PRMT2: variants seen among roughly 807,000 people sequenced by gnomAD.
PRMT2 encodes the protein protein arginine N-methyltransferase 2.
A neutral mutation model predicts 57.6 loss-of-function variants in PRMT2; 26 were observed. The observed-to-expected ratio is 0.45, with a 90% CI of 0.33 to 0.63. The LOEUF (loss-of-function observed/expected upper bound fraction) is 0.63. Among genes scored for constraint, PRMT2 ranks in the 20% least tolerant of loss-of-function variants. The probability of loss-of-function intolerance (pLI) is 0.02; values close to 1 mark genes in which losing one functional copy is unlikely to be tolerated. For synonymous variants in PRMT2, 219 were observed against 220.0 expected, an observed-to-expected ratio of 1.00 and a Z score of 0.04; for missense variants, 472 against 564.4, an observed-to-expected ratio of 0.84 and a Z score of 1.66.
intron 7 of PRMT2, chr21:46,653,289 T>A: frequency 1.0e-6 from 1 of 985,440 alleles, no homozygotes; most frequent in East Asian, 1.1e-4. Context: ...AAAGTCTTTA[T>A]AAGTCAGCTC....
In PRMT2 at chr21:46,664,616, G is replaced by T; in HGVS notation, c.*289G>T. On this transcript the variant is annotated 3_prime_UTR_variant, in exon 12 of 12. Coordinates refer to ENST00000355680, the MANE Select transcript of PRMT2 (RefSeq NM_206962.4). ...TGCCCACAGTGCCGACCCGTGGCTG[G>T]GTCGGAGCTCCATGTTCCTAAGCTA... The T allele has an allele frequency of 1.9e-6, 1 of 516,868 alleles. No homozygotes were observed. Among genetic ancestry groups the T allele is most frequent in the South Asian group, 2.3e-5 (1 of 44,418 alleles). 32.0% of individuals were successfully genotyped at this position (516,868 alleles called of 1,614,324 possible).
intron 10 of PRMT2, 22 bp downstream of exon 10, chr21:46,661,958 ACGGGGTGCGGG>A (rs2061632075): frequency 2.6e-6 from 2 of 776,668 alleles, no homozygotes; most frequent in East Asian, 6.7e-5. Flanking sequence ...GGGCGCGGGC[ACGGGGTGCGGG>A]GTGGGGGGCA....
chr21:46,642,210 T>G, intron 3 of PRMT2, among the ~76,000 whole-genome samples: 1 of 152,184 alleles, frequency 6.6e-6, no homozygotes, highest in Non-Finnish European at 1.5e-5. Flanking sequence ...CCTAAGAAGA[T>G]TAAGGTACAT....
chr21:46,653,729 C>T, intron 7 of PRMT2: 1 of 1,222,622 alleles, frequency 8.2e-7, no homozygotes, highest in Non-Finnish European at 1.0e-6. Context: ...ACACACAAAA[C>T]CATCAACTCT....
chr21:46,661,098 T>C (rs1400557204), intron 9 of PRMT2, 136 bp downstream of exon 9: 4 of 881,910 alleles, frequency 4.5e-6, no homozygotes, highest in African/African-American at 1.8e-5. Context: ...ATTATGCAAA[T>C]AAGTGAATTT....
chr21:46,662,421 C>T (rs986705091), intron 10 of PRMT2, among the ~76,000 whole-genome samples: 3 of 152,234 alleles, frequency 2.0e-5, no homozygotes, highest in South Asian at 2.1e-4. Flanking sequence ...GCTCTGGCAC[C>T]TGCCCCGCTG....
chr21:46,663,198 G>T (rs1288713846), intron 10 of PRMT2, among the ~76,000 whole-genome samples, 185 bp from the exon 11 acceptor site: 1 of 152,236 alleles, frequency 6.6e-6, no homozygotes, highest in Non-Finnish European at 1.5e-5. Context: ...AGGGCTGGGG[G>T]TGTATATGTT....
chr21:46,660,592 G>C (rs141682263), intron 8 of PRMT2, among the ~76,000 whole-genome samples: 55 of 152,294 alleles, frequency 3.6e-4, no homozygotes, highest in African/African-American at 1.3e-3. Context: ...GCTCCTTAAT[G>C]CCTCCAGGTC....
intron 1 of PRMT2, 178 bp from the exon 2 acceptor site, chr21:46,636,261 C>T (rs1239423225): frequency 6.6e-6 from 1 of 152,426 alleles, no homozygotes; most frequent in East Asian, 1.9e-4. Context: ...CTGCGGCCTC[C>T]ACTCCGACCC....
chr21:46,658,209 G>C (rs2061567934), intron 7 of PRMT2: 1 of 152,816 alleles, frequency 6.5e-6, no homozygotes, highest in African/African-American at 2.4e-5. Flanking sequence ...CACTTCCTCA[G>C]TCATAGATGT....
rs1197839190 is a variant in PRMT2 at position 46,643,692 on chromosome 21, A to G, written c.144+53A>G. The G allele has an allele frequency of 1.2e-5, 18 of 1,537,142 alleles. No homozygotes were observed. The South Asian group carries it at 1.5e-4, about 13-fold the overall frequency. ...ATGGCTTTCAGCATGTTCAGTGTCA[A>G]AAGGAGATAAATTTTGCAGACGTCA... On this transcript the variant is annotated intron_variant, in intron 4 of 11. Transcript: ENST00000355680.
At chr21:46,642,637 A>G (rs1404179188) in intron 3 of PRMT2, among the ~76,000 whole-genome samples, 1 of 152,200 alleles carries the variant, frequency 6.6e-6, no homozygotes, top group African/African-American at 2.4e-5. Context: ...TTTAAAATGT[A>G]TGTATTGAGA....
intron 10 of PRMT2, 120 bp downstream of exon 10, chr21:46,662,056 C>G (rs1259988791): frequency 9.6e-6 from 1 of 104,542 alleles, no homozygotes; most frequent in Non-Finnish European, 1.8e-5. Context: ...GGGGGTGGGG[C>G]ACGTGGGGGC....
rs576529201 is a variant in PRMT2 at position 46,648,781 on chromosome 21, A to C, written c.489+162A>C. Among the ~76,000 whole-genome samples, 12 of 152,290 alleles carry C rather than the reference A, an allele frequency of 7.9e-5. No homozygotes were observed. The highest frequency in any genetic ancestry group is 7.2e-4 in the Admixed American group (11 of 15,300). ...GCACGTGGGGCTCAGGGTCGGTAAA[A>C]TAGCAGTGCGTGGAGACCGCGTGCT... On this transcript the variant is annotated intron_variant, in intron 6 of 11. Transcript: ENST00000355680. This position sits in a 1 kb window ranked among gnomAD's most constrained non-coding sequence, Gnocchi z 4.8.
Position 46,663,466 on chromosome 21 carries a change from T to G in PRMT2, c.1181T>G (p.Val394Gly), listed in dbSNP as rs750170469. Reference protein sequence around the residue: ...HTGDVVTGSVVLQRNPVWRRH... With the variant: ...HTGDVVTGSVGLQRNPVWRRH... ...GGAGACGTGGTCACGGGTTCAGTTG[T>G]GTTGCAGAGAAACCCAGTGTGGAGA... The change falls in exon 11 of 12, where the codon GTG becomes GGG. Residue 394 changes from valine to glycine, a missense_variant. Physicochemically the swap from Val to Gly is moderately radical, Grantham distance 109 (BLOSUM62 -3). Around this residue, in one of 2 missense-constraint regions of PRMT2, gnomAD observed 229 missense variants for 217.2 expected, o/e 1.05. Coordinates refer to ENST00000355680, the MANE Select transcript of PRMT2 (RefSeq NM_206962.4). 1 of 1,614,176 alleles carries G rather than the reference T, an allele frequency of 6.2e-7. No individual in the cohort carries two copies. Among genetic ancestry groups the G allele is most frequent in the African/African-American group, 1.3e-5 (1 of 75,058 alleles).
intron 7 of PRMT2, chr21:46,651,956 GC>G: frequency 6.2e-7 from 1 of 1,613,266 alleles, no homozygotes; most frequent in Non-Finnish European, 8.5e-7. Context: ...TGTTCTCAGA[GC>G]CCCTCAGCCC....
chr21:46,661,586 T>C, intron 9 of PRMT2: 1 of 391,500 alleles, frequency 2.6e-6, no homozygotes, highest in African/African-American at 2.1e-5. Context: ...GGTAGAAAAT[T>C]GGGCGCAAGA....
rs550949925 is a variant in PRMT2, at chr21:46,636,497, T to G, written c.-107T>G. ...TACGAATTGAGAAGAAGGAAAAGAC[T>G]GGAAGATGCAGACCTTGGTTCCTGT... On this transcript the variant is annotated 5_prime_UTR_variant, in exon 2 of 12. Transcript: ENST00000355680. The G allele has an allele frequency of 6.4e-6, 1 of 157,480 alleles. No individual in the cohort carries two copies. Among genetic ancestry groups the G allele is most frequent in the African/African-American group, 2.4e-5 (1 of 41,756 alleles). 9.8% of individuals were successfully genotyped at this position (157,480 alleles called of 1,614,324 possible).
intron 7 of PRMT2, among the ~76,000 whole-genome samples, chr21:46,656,541 T>C (rs187447127): frequency 1.5e-4 from 23 of 152,286 alleles, no homozygotes; most frequent in Non-Finnish European, 2.9e-4. Flanking sequence ...ATATGGTCAA[T>C]GGGTTTTTTT....
Sources: gnomAD v4.1 joint callset for allele counts (sites outside exome capture counted in the v4.1 genomes callset) on GRCh38, gnomAD v4.1.1 for gene constraint, gnomAD v4.1.1 regional missense constraint, Gnocchi (gnomAD v3.1) non-coding constraint, MANE v1.5 for transcripts, NCBI Gene and HGNC (gene_info 2026-07-23, HGNC 2026-07-21) for gene names.